RYR3: variants seen among roughly 807,000 people sequenced by gnomAD.
The protein encoded by RYR3 is brain ryanodine receptor-calcium release channel.
Under a neutral mutation model 584.3 loss-of-function variants are expected in RYR3, and 207 were observed. The ratio of observed to expected loss-of-function variants is 0.35; its 90% CI spans 0.32 to 0.40. RYR3 has a LOEUF of 0.40. Among genes scored for constraint, RYR3 ranks in the 10% least tolerant of loss-of-function variants. RYR3 has a pLI of 1.00. For missense variants in RYR3, 5,616 were observed against 6,089.2 expected (o/e 0.92, Z 2.59); for synonymous variants, 2,416 against 2,248.5 (o/e 1.07, Z -2.11).
At chr15:33,680,413 C>T (rs775750421) in intron 38 of RYR3, among the ~76,000 whole-genome samples, 5 of 152,212 alleles carry the variant, frequency 3.3e-5, no homozygotes, top group Non-Finnish European at 7.3e-5. Flanking sequence ...CATCCAGTGG[C>T]TCTGCTCACT....
intron 1 of RYR3, among the ~76,000 whole-genome samples, chr15:33,346,932 G>A (rs1470144442): frequency 6.6e-6 from 1 of 152,126 alleles, no homozygotes; most frequent in African/African-American, 2.4e-5. Flanking sequence ...GCAAGACCCT[G>A]TATCCACAAA....
intron 1 of RYR3, among the ~76,000 whole-genome samples, chr15:33,337,055 T>G (rs371703910): frequency 1.3e-4 from 1 of 7,734 alleles, no homozygotes; most frequent in African/African-American, 5.3e-4. Context: ...GGACTCCGTC[T>G]CAAAAAAAAA....
intron 1 of RYR3, among the ~76,000 whole-genome samples, chr15:33,454,765 A>G (rs1170195879): frequency 6.6e-6 from 1 of 152,178 alleles, no homozygotes; most frequent in Non-Finnish European, 1.5e-5. Context: ...GGGCTCAGAG[A>G]TAAGAGTAAG....
At chr15:33,728,319 C>T (rs2068634181) in intron 46 of RYR3, among the ~76,000 whole-genome samples, 1 of 152,044 alleles carries the variant, frequency 6.6e-6, no homozygotes, top group Non-Finnish European at 1.5e-5. Flanking sequence ...ACAATTGATG[C>T]AAAAAACCTC....
intron 10 of RYR3, among the ~76,000 whole-genome samples, chr15:33,560,398 A>G (rs533943646): frequency 3.3e-4 from 50 of 152,316 alleles, no homozygotes; most frequent in African/African-American, 1.1e-3. Context: ...ACTCCTTTCT[A>G]TACAGAATAA....
At chr15:33,825,561 C>T (rs759994228) in intron 81 of RYR3, 42 bp from the exon 82 acceptor site, 4 of 1,299,828 alleles carry the variant, frequency 3.1e-6, no homozygotes, top group East Asian at 2.3e-5. Flanking sequence ...GCTTTCCCAG[C>T]GTGCGTAGCC....
chr15:33,366,744 G>A (rs1336361444), intron 1 of RYR3, among the ~76,000 whole-genome samples: 1 of 152,176 alleles, frequency 6.6e-6, no homozygotes, highest in African/African-American at 2.4e-5. Context: ...ATGGAGCCTG[G>A]AGACACAGTA....
intron 1 of RYR3, among the ~76,000 whole-genome samples, chr15:33,313,036 G>A (rs1450687762): frequency 6.6e-6 from 1 of 152,214 alleles, no homozygotes; most frequent in African/African-American, 2.4e-5. Context: ...CCCTGTTGCA[G>A]AGAACTGCAT....
intron 1 of RYR3, among the ~76,000 whole-genome samples, chr15:33,374,585 A>G (rs1226155280): frequency 6.6e-6 from 1 of 152,216 alleles, no homozygotes; most frequent in African/African-American, 2.4e-5. Context: ...AGCACACCAG[A>G]TCACACTTGA....
At chr15:33,745,735 C>T (rs1032157663) in intron 52 of RYR3, among the ~76,000 whole-genome samples, 1 of 152,170 alleles carries the variant, frequency 6.6e-6, no homozygotes, top group South Asian at 2.1e-4. Context: ...CAGTCCTAGC[C>T]TCTGTTCTTC....
At position 33,748,582 on chromosome 15, in the gene RYR3, C is replaced by G. The variant is rs74005985; in HGVS notation, c.8199+52C>G. On this transcript the variant is annotated intron_variant, in intron 55 of 103. Coordinates refer to ENST00000634891, the MANE Select transcript of RYR3 (RefSeq NM_001036.6). Reference sequence around the variant, plus strand: ...TGCTTTCAAGTGCAGGACGCATTACCTTCCAAAGAGTTAAAGGGGGAAAAA... The same window carrying G: ...TGCTTTCAAGTGCAGGACGCATTACGTTCCAAAGAGTTAAAGGGGGAAAAA... The G allele has an allele frequency of 4.3e-3, 6,260 of 1,447,564 alleles. 211 individuals are homozygous for G. The African/African-American group carries it at 0.076, about 17-fold the overall frequency. The allele number at this position is 1,447,564 out of a possible 1,614,324, so 89.7% of individuals were successfully genotyped here.
At chr15:33,794,641 A>G (rs2075481792) in intron 67 of RYR3, among the ~76,000 whole-genome samples, 1 of 152,154 alleles carries the variant, frequency 6.6e-6, no homozygotes, top group Non-Finnish European at 1.5e-5. Flanking sequence ...AAAAATGGCA[A>G]TGTCAGAGAG....
chr15:33,347,309 G>A (rs1414391131), intron 1 of RYR3, among the ~76,000 whole-genome samples: 1 of 152,128 alleles, frequency 6.6e-6, no homozygotes, highest in Non-Finnish European at 1.5e-5. Context: ...CTTTTCTCCT[G>A]TTCTATTAAT....
chr15:33,506,128 A>T (rs1028176341), intron 3 of RYR3, among the ~76,000 whole-genome samples: 2 of 152,212 alleles, frequency 1.3e-5, no homozygotes, highest in South Asian at 2.1e-4. Flanking sequence ...AGAACTTAAT[A>T]GTCTTAACTT....
chr15:33,701,158 G>C, intron 42 of RYR3, 78 bp downstream of exon 42: 1 of 858,772 alleles, frequency 1.2e-6, no homozygotes, highest in Non-Finnish European at 1.9e-6. Context: ...GCAGACCACG[G>C]ATGGAGTCTC....
chr15:33,728,465 G>A (rs1567039904), intron 46 of RYR3, among the ~76,000 whole-genome samples: 1 of 152,196 alleles, frequency 6.6e-6, no homozygotes. Context: ...ATTTTAAACT[G>A]GCTTTTCAAC....
At chr15:33,635,921 A>G in intron 26 of RYR3, 102 bp downstream of exon 26, 1 of 952,000 alleles carries the variant, frequency 1.1e-6, no homozygotes, top group Non-Finnish European at 1.6e-6. Flanking sequence ...CTTCAAAGTG[A>G]GTGACCACCA....
rs1302260451 is a variant in RYR3, at chr15:33,780,163, G to A, written c.9138-48G>A. 3.8e-6 allele frequency: 6 copies of A among 1,599,256 alleles called. No homozygotes were observed. In the Admixed American group the frequency reaches 1.0e-4, roughly 27 times the overall value. The stretch of plus-strand genomic sequence containing the variant: ...AAGGCCTGATCTGCCAATGCATGGG[G>A]CCAGCATGTGGGGGGCCACACTTCT... On this transcript the variant is annotated intron_variant, in intron 64 of 103. Coordinates refer to ENST00000634891, the MANE Select transcript of RYR3 (RefSeq NM_001036.6).
chr15:33,830,699 T>A lies in RYR3; in HGVS notation c.11335-264T>A, dbSNP rs533109428. 4.4e-4 allele frequency: 128 copies of A among 292,558 alleles called. 2 individuals are homozygous for A. The highest frequency in any genetic ancestry group is 4.8e-4 in the Admixed American group (10 of 20,750). The allele number at this position is 292,558 out of a possible 1,614,324, so 18.1% of individuals were successfully genotyped here. A position where few individuals can be genotyped will look rare whatever the true frequency, so the allele number is the denominator to read the frequency against. ...TACCATTATCTTCACATATTTCACA[T>A]TGAGTAAATTATCCTATTTCATAGT... On this transcript the variant is annotated intron_variant, in intron 85 of 103. Coordinates refer to ENST00000634891, the MANE Select transcript of RYR3 (RefSeq NM_001036.6).
Sources: allele counts gnomAD v4.1 joint callset (sites outside exome capture counted in the v4.1 genomes callset), GRCh38; gene constraint gnomAD v4.1.1; transcripts MANE v1.5; gene names NCBI Gene and HGNC (gene_info 2026-07-23, HGNC 2026-07-21).